Variants in PPP1R3A observed in about 807,000 individuals in gnomAD.
PPP1R3A encodes the protein RG1.
In PPP1R3A, 29 loss-of-function variants were observed where a neutral mutation model predicts 41.7. That is an observed-to-expected ratio of 0.70 (90% CI 0.52 to 0.95). The LOEUF (loss-of-function observed/expected upper bound fraction) is 0.95. PPP1R3A is among the 40% of genes least tolerant of loss of function. The pLI is 0.00. For synonymous variants in PPP1R3A, 485 were observed against 453.4 expected (o/e 1.07, Z -0.89); for missense variants, 1,352 against 1,292.4 (o/e 1.05, Z -0.71).
In PPP1R3A at chr7:113,878,615, T is replaced by C. The variant is rs1315082147; in HGVS notation, c.2477A>G (p.Tyr826Cys). ...CCTGTCATGTGTCTTCCTAGGATTG[T>C]ACATAGACATGGTTTCTTCCTTCTC... ...EMEKEETMSM[Y>C]NPRKTHDREK... Residue 826 changes from tyrosine to cysteine, a missense_variant, in exon 4 of 4, where the codon TAC becomes TGC. Physicochemically the swap from Tyr to Cys is radical, Grantham distance 194 (BLOSUM62 -2). Transcript: ENST00000284601. 2.5e-6 allele frequency: 4 copies of C among 1,613,524 alleles called. No individual in the cohort carries two copies. Among genetic ancestry groups the C allele is most frequent in the Non-Finnish European group, 3.4e-6 (4 of 1,179,642 alleles).
chr7:113,904,068 C>A (rs56204979), intron 1 of PPP1R3A, among the ~76,000 whole-genome samples: 2,017 of 151,784 alleles, frequency 0.013, 15 homozygotes, highest in Non-Finnish European at 0.023. Flanking sequence ...GTATGTTTCA[C>A]TCTATTTGGT....
chr7:113,883,029 C>G (rs1796721309), intron 1 of PPP1R3A, among the ~76,000 whole-genome samples: 1 of 151,814 alleles, frequency 6.6e-6, no homozygotes, highest in Non-Finnish European at 1.5e-5. Context: ...TCTAGCATAC[C>G]CTGCATACTG....
chr7:113,899,474 T>C (rs1347460315), intron 1 of PPP1R3A, among the ~76,000 whole-genome samples: 1 of 151,878 alleles, frequency 6.6e-6, no homozygotes, highest in Non-Finnish European at 1.5e-5. Flanking sequence ...ATCCTTAATA[T>C]TGTTATTAAT....
In PPP1R3A at chr7:113,879,635, C is replaced by T. The variant is rs756250126; in HGVS notation, c.1457G>A (p.Arg486Gln). 2.4e-5 allele frequency: 38 copies of T among 1,613,098 alleles called. No individual in the cohort carries two copies. The highest frequency in any genetic ancestry group is 1.6e-4 in the African/African-American group (12 of 74,850). Residue 486 changes from arginine to glutamine, a missense_variant, in exon 4 of 4, where the codon CGA (arginine) becomes CAA (glutamine). Physicochemically the swap from Arg to Gln is conservative, Grantham distance 43. Transcript: ENST00000284601. ...NIEVKDLGCL[R>Q]RDFHSDTSAC... The stretch of plus-strand genomic sequence containing the variant: ...CGACGTATCTGAATGGAAATCTCTT[C>T]GTAAACATCCCAAATCTTTTACTTC...
chr7:113,879,716 T>A lies in PPP1R3A; in HGVS notation c.1376A>T (p.Asp459Val), dbSNP rs1312257727. Residue 459 changes from aspartate to valine, a missense_variant, in exon 4 of 4, where the codon GAT becomes GTT. Physicochemically the swap from Asp to Val is radical, Grantham distance 152 (BLOSUM62 -3). Coordinates refer to ENST00000284601, the MANE Select transcript of PPP1R3A (RefSeq NM_002711.4). The part of the protein sequence containing the change: ...GTVQIPCPSS[D>V]QLMAGNLNKK... ...ATTAAGGTTTCCTGCCATTAGTTGA[T>A]CTGAAGAGGGGCAAGGTATTTGCAC... The A allele has an allele frequency of 2.5e-6, 4 of 1,613,180 alleles. No homozygotes were observed. The Admixed American group carries it at 6.7e-5, about 27-fold the overall frequency.
chr7:113,913,335 C>A (rs1437797600), intron 1 of PPP1R3A, among the ~76,000 whole-genome samples: 1 of 152,132 alleles, frequency 6.6e-6, no homozygotes, highest in East Asian at 1.9e-4. Context: ...ATCTTAGACC[C>A]CATTTCCCAA....
intron 1 of PPP1R3A, among the ~76,000 whole-genome samples, chr7:113,887,516 G>A (rs572503445): frequency 6.6e-5 from 10 of 152,132 alleles, no homozygotes; most frequent in African/African-American, 1.9e-4. Flanking sequence ...TACTATAAGT[G>A]ATAAGTATTA....
Position 113,918,926 on chromosome 7 carries a change from G to A in PPP1R3A, c.71C>T (p.Ser24Phe). The A allele has an allele frequency of 6.2e-7, 1 of 1,612,764 alleles. No homozygotes were observed. Among genetic ancestry groups the A allele is most frequent in the Non-Finnish European group, 8.5e-7 (1 of 1,179,132 alleles). The change falls in exon 1 of 4, where the codon TCT becomes TTT. Residue 24 changes from serine (S) to phenylalanine (F), a missense_variant. Physicochemically the swap from Ser to Phe is radical, Grantham distance 155. Transcript: ENST00000284601. ...AGTAACTTCTTCATCTTCACAAAGAGAGTCAGATAAATTAGGAACTTCTAA... is the reference window on the plus strand; with the variant it reads ...AGTAACTTCTTCATCTTCACAAAGAAAGTCAGATAAATTAGGAACTTCTAA... ...NFLEVPNLSD[S>F]LCEDEEVTFQ...
In PPP1R3A at chr7:113,904,190, A is replaced by T. The variant is rs370179990; in HGVS notation, c.782+14025T>A. ...GAGTTCTATGTAAAATAGGGACTGT[A>T]AATTCTTTATGAATAATTAGTTTAT... On this transcript the variant is annotated intron_variant, in intron 1 of 3. Transcript: ENST00000284601. 4.6e-5 allele frequency among the ~76,000 whole-genome samples: 7 copies of T among 151,856 alleles called. No individual in the cohort carries two copies. In the East Asian group the frequency reaches 9.7e-4, roughly 21 times the overall value.
Position 113,918,401 on chromosome 7 carries a change from T to C in PPP1R3A, c.596A>G (p.Gln199Arg). 1 of 1,613,518 alleles carries C rather than the reference T, an allele frequency of 6.2e-7. No homozygotes were observed. Among genetic ancestry groups the C allele is most frequent in the Non-Finnish European group, 8.5e-7 (1 of 1,179,702 alleles). The change falls in exon 1 of 4, where the codon CAA (glutamine) becomes CGA (arginine). Residue 199 changes from glutamine (Q) to arginine (R), a missense_variant. By Grantham distance (43) the Gln-to-Arg change is conservative. Coordinates refer to ENST00000284601, the MANE Select transcript of PPP1R3A (RefSeq NM_002711.4). The stretch of plus-strand genomic sequence containing the variant: ...AAACTCAACTTTACTGCCATCTTTT[T>C]GATAAGGAGGAACCAATACAATCTT... ...SFKIVLVPPY[Q>R]KDGSKVEFCI...
In PPP1R3A at chr7:113,882,115, A is replaced by C. The variant is rs924303452; in HGVS notation, c.890T>G (p.Leu297Trp). 2 of 1,611,996 alleles carry C rather than the reference A, an allele frequency of 1.2e-6. No homozygotes were observed. The highest frequency in any genetic ancestry group is 2.7e-5 in the African/African-American group (2 of 74,826). The change falls in exon 3 of 4, where the codon TTG becomes TGG. Residue 297 changes from leucine (L) to tryptophan (W), a missense_variant. By Grantham distance (61) the Leu-to-Trp change is moderately conservative (BLOSUM62 -2). Coordinates refer to ENST00000284601, the MANE Select transcript of PPP1R3A (RefSeq NM_002711.4). ...TTTTACATTTCGATTACTGGCTTCC[A>C]AATCTTCCTTGTCCTCATGAGAACA... Reference protein sequence around the residue: ...IICSHEDKEDLEASNRNVKDV... With the variant: ...IICSHEDKEDWEASNRNVKDV...
chr7:113,893,030 G>A (rs145910006), intron 1 of PPP1R3A, among the ~76,000 whole-genome samples: 4 of 151,966 alleles, frequency 2.6e-5, no homozygotes, highest in Admixed American at 6.6e-5. Context: ...AACACTCATG[G>A]CAAGCTCTGA....
intron 1 of PPP1R3A, among the ~76,000 whole-genome samples, chr7:113,903,921 C>T (rs2129118930): frequency 6.6e-6 from 1 of 151,790 alleles, no homozygotes; most frequent in Middle Eastern, 3.4e-3. Context: ...TTCTTCTGTT[C>T]CTTCTCCACA....
intron 1 of PPP1R3A, among the ~76,000 whole-genome samples, chr7:113,914,459 C>T (rs1181328365): frequency 6.6e-6 from 1 of 151,960 alleles, no homozygotes; most frequent in African/African-American, 2.4e-5. Context: ...TAAGATAATT[C>T]ATATATAAAG....
chr7:113,914,615 C>T (rs2129121325), intron 1 of PPP1R3A, among the ~76,000 whole-genome samples: 1 of 152,200 alleles, frequency 6.6e-6, no homozygotes, highest in East Asian at 1.9e-4. Flanking sequence ...CAGCTTGAGC[C>T]TTGCAGTTTT....
At chr7:113,898,994 C>A (rs1797020686) in intron 1 of PPP1R3A, among the ~76,000 whole-genome samples, 1 of 151,786 alleles carries the variant, frequency 6.6e-6, no homozygotes, top group Admixed American at 6.6e-5. Context: ...CTCTATTTCC[C>A]AGTCTATGGA....
chr7:113,904,964 A>C (rs1797120830), intron 1 of PPP1R3A, among the ~76,000 whole-genome samples: 1 of 151,636 alleles, frequency 6.6e-6, no homozygotes, highest in African/African-American at 2.4e-5. Flanking sequence ...TCACTGAAAC[A>C]ATTATTCTGA....
chr7:113,901,646 T>G (rs749128464), intron 1 of PPP1R3A, among the ~76,000 whole-genome samples: 1 of 151,838 alleles, frequency 6.6e-6, no homozygotes, highest in Non-Finnish European at 1.5e-5. Context: ...ACGATCTTCA[T>G]GACAGAACTC....
At chr7:113,913,416 G>A (rs1252026593) in intron 1 of PPP1R3A, among the ~76,000 whole-genome samples, 3 of 152,060 alleles carry the variant, frequency 2.0e-5, no homozygotes, top group African/African-American at 7.2e-5. Flanking sequence ...TTAAAATTAT[G>A]TTTTAGAAAG....
Sources: allele counts gnomAD v4.1 joint callset (sites outside exome capture counted in the v4.1 genomes callset), GRCh38; gene constraint gnomAD v4.1.1; transcripts MANE v1.5; gene names NCBI Gene and HGNC (gene_info 2026-07-23, HGNC 2026-07-21).